FHIT: variants seen among roughly 807,000 people sequenced by gnomAD.
FHIT encodes the protein bis(5'-adenosyl)-triphosphatase.
A neutral mutation model predicts 17.9 loss-of-function variants in FHIT; 19 were observed. The ratio of observed to expected loss-of-function variants is 1.06; its 90% CI spans 0.74 to 1.56. The LOEUF (loss-of-function observed/expected upper bound fraction) is 1.56. Ranked by LOEUF, FHIT falls within the 40% of genes most tolerant of loss-of-function variation. FHIT has a pLI of 0.00. For missense variants in FHIT, 248 were observed against 189.2 expected (o/e 1.31, Z -1.82); for synonymous variants, 81 against 69.7 (o/e 1.16, Z -0.81).
chr3:60,084,852 TTTTTC>T lies in FHIT; in HGVS notation c.104-70705_104-70701del, dbSNP rs1284214237. Among the ~76,000 whole-genome samples, 8 of 152,302 alleles carry T rather than the reference TTTTTC, an allele frequency of 5.3e-5. No individual in the cohort carries two copies. The East Asian group carries it at 1.5e-3, about 29-fold the overall frequency. On this transcript the variant is annotated intron_variant, in intron 5 of 9. Coordinates refer to ENST00000492590, the MANE Select transcript of FHIT (RefSeq NM_002012.4). ...CTTTCTACATTGATAGTGACTTTTT[TTTTTC>T]TTTTTCACACTCTTAGAATCAGGGA... is the stretch of plus-strand genomic sequence containing the variant.
intron 5 of FHIT, among the ~76,000 whole-genome samples, chr3:60,482,774 G>A (rs1276993627): frequency 6.6e-6 from 1 of 151,502 alleles, no homozygotes; most frequent in South Asian, 2.1e-4. Flanking sequence ...AAGAGCTAGA[G>A]AGGCAAGAGA....
intron 8 of FHIT, among the ~76,000 whole-genome samples, chr3:59,789,580 T>C (rs566766051): frequency 2.0e-5 from 3 of 152,358 alleles, no homozygotes; most frequent in African/African-American, 7.2e-5. Context: ...ATCTTTTAAA[T>C]CAGGAATTTT....
intron 5 of FHIT, among the ~76,000 whole-genome samples, chr3:60,326,379 C>G (rs747782809): frequency 6.6e-6 from 1 of 151,924 alleles, no homozygotes; most frequent in Non-Finnish European, 1.5e-5. Flanking sequence ...TCATAAGGAG[C>G]GGGCAACCTA....
At chr3:59,866,102 TA>T (rs1321316999) in intron 8 of FHIT, among the ~76,000 whole-genome samples, 4 of 152,100 alleles carry the variant, frequency 2.6e-5, no homozygotes, top group Non-Finnish European at 5.9e-5. Context: ...TGATAGACGA[TA>T]CAGAGACCAG....
intron 4 of FHIT, among the ~76,000 whole-genome samples, chr3:60,705,759 C>T (rs1482642396): frequency 6.6e-6 from 1 of 152,176 alleles, no homozygotes; most frequent in Non-Finnish European, 1.5e-5. Context: ...AAACATTCTA[C>T]AGCTCAGTTA....
At chr3:60,268,220 T>G (rs564771453) in intron 5 of FHIT, among the ~76,000 whole-genome samples, 49 of 152,338 alleles carry the variant, frequency 3.2e-4, no homozygotes, top group Non-Finnish European at 6.9e-4. Flanking sequence ...AATATTCTTA[T>G]GCTGAATAAT....
chr3:60,869,031 C>A (rs1340538911), intron 3 of FHIT, among the ~76,000 whole-genome samples: 1 of 152,084 alleles, frequency 6.6e-6, no homozygotes. Flanking sequence ...CCCAGCTTAA[C>A]AAAATCCCAA....
At chr3:60,444,084 A>G (rs1202647604) in intron 5 of FHIT, among the ~76,000 whole-genome samples, 1 of 152,216 alleles carries the variant, frequency 6.6e-6, no homozygotes, top group Non-Finnish European at 1.5e-5. Context: ...CAAAAGACAC[A>G]TGAAAAAAAT....
At chr3:60,070,454 C>T (rs973226387) in intron 5 of FHIT, among the ~76,000 whole-genome samples, 1 of 152,216 alleles carries the variant, frequency 6.6e-6, no homozygotes, top group Non-Finnish European at 1.5e-5. Context: ...ACCAATCATG[C>T]ATCATGACGA....
intron 5 of FHIT, among the ~76,000 whole-genome samples, chr3:60,423,732 T>C (rs187022958): frequency 2.0e-5 from 3 of 152,284 alleles, no homozygotes; most frequent in African/African-American, 7.2e-5. Context: ...CTGGTGCAGC[T>C]AAGTAATGCA....
At chr3:60,379,239 T>G (rs1179302944) in intron 5 of FHIT, among the ~76,000 whole-genome samples, 1 of 152,164 alleles carries the variant, frequency 6.6e-6, no homozygotes, top group African/African-American at 2.4e-5. Flanking sequence ...ATTCTAAATT[T>G]AAATACATCC....
At chr3:60,325,167 A>G (rs572470576) in intron 5 of FHIT, among the ~76,000 whole-genome samples, 3 of 152,214 alleles carry the variant, frequency 2.0e-5, no homozygotes, top group African/African-American at 2.4e-5. Flanking sequence ...GAAGAAAAAC[A>G]TACCCTGGAA....
rs996069016 is a variant in FHIT at position 61,074,389 on chromosome 3, C to T, written c.-163-32290G>A. Reference sequence around the variant, plus strand: ...TACAAATTGTGCACCTACTGCATTACGGCAGAGGTTGAACACTGGTGACCC... The same window carrying T: ...TACAAATTGTGCACCTACTGCATTATGGCAGAGGTTGAACACTGGTGACCC... On this transcript the variant is annotated intron_variant, in intron 2 of 9. Coordinates refer to ENST00000492590, the MANE Select transcript of FHIT (RefSeq NM_002012.4). 7.9e-5 allele frequency among the ~76,000 whole-genome samples: 12 copies of T among 152,274 alleles called. No homozygotes were observed. In the East Asian group the frequency reaches 1.2e-3, roughly 15 times the overall value.
intron 5 of FHIT, among the ~76,000 whole-genome samples, chr3:60,141,096 G>C (rs1033195860): frequency 6.6e-6 from 1 of 152,088 alleles, no homozygotes; most frequent in Non-Finnish European, 1.5e-5. Flanking sequence ...TCAGCTTTGG[G>C]GGACATCAAT....
chr3:59,904,038 A>G (rs1229313105), intron 8 of FHIT, among the ~76,000 whole-genome samples: 1 of 152,120 alleles, frequency 6.6e-6, no homozygotes, highest in Non-Finnish European at 1.5e-5. Context: ...GAAATAGGAA[A>G]GAAATAGCAC....
intron 5 of FHIT, among the ~76,000 whole-genome samples, chr3:60,457,554 T>A (rs2032182980): frequency 6.6e-6 from 1 of 152,098 alleles, no homozygotes; most frequent in Admixed American, 6.6e-5. Flanking sequence ...CCAAAAGCAA[T>A]GGCAACAAAA....
intron 5 of FHIT, among the ~76,000 whole-genome samples, chr3:60,217,333 C>T (rs771539056): frequency 1.3e-5 from 2 of 152,172 alleles, no homozygotes; most frequent in Non-Finnish European, 2.9e-5. Context: ...AAAGACAAAA[C>T]ATGAGTCACT....
At chr3:60,761,918 G>T (rs1160244226) in intron 4 of FHIT, among the ~76,000 whole-genome samples, 1 of 151,208 alleles carries the variant, frequency 6.6e-6, no homozygotes, top group East Asian at 1.9e-4. Flanking sequence ...AGCCCATCAG[G>T]AGTCAGAAAA....
At chr3:60,481,528 C>G (rs1040450981) in intron 5 of FHIT, among the ~76,000 whole-genome samples, 1 of 152,178 alleles carries the variant, frequency 6.6e-6, no homozygotes, top group African/African-American at 2.4e-5. Flanking sequence ...ATTCAGCATT[C>G]TTAAAGAGAA....
Sources: allele counts gnomAD v4.1 joint callset (sites outside exome capture counted in the v4.1 genomes callset), GRCh38; gene constraint gnomAD v4.1.1; transcripts MANE v1.5; gene names NCBI Gene and HGNC (gene_info 2026-07-23, HGNC 2026-07-21).